SPATA6: variants seen among roughly 807,000 people sequenced by gnomAD.
The protein encoded by SPATA6 is spermatogenesis-associated protein 6.
In SPATA6, 56 loss-of-function variants were observed where a neutral mutation model predicts 65.3. That is an observed-to-expected ratio of 0.86 (90% confidence interval 0.69 to 1.07). The LOEUF (loss-of-function observed/expected upper bound fraction) is 1.07. SPATA6 is among the 50% of genes least tolerant of loss of function. SPATA6 has a pLI of 0.00. For missense variants in SPATA6, 590 were observed against 594.8 expected (o/e 0.99, Z 0.08); for synonymous variants, 199 against 213.2 (o/e 0.93, Z 0.58).
the SPATA6 span, among the ~76,000 whole-genome samples, chr1:48,265,324 A>G: frequency 6.6e-6 from 1 of 151,420 alleles, no homozygotes; most frequent in Non-Finnish European, 1.5e-5. Flanking sequence ...CAGCTTCATT[A>G]TAAGCAAATA....
intron 12 of SPATA6, among the ~76,000 whole-genome samples, chr1:48,301,546 C>CACA (rs1553140235): frequency 1.4e-5 from 2 of 147,446 alleles, no homozygotes; most frequent in Non-Finnish European, 3.0e-5. Flanking sequence ...CACACACACA[C>CACA]AAAAAAAAAA....
chr1:48,328,493 A>C (rs1242082136), intron 11 of SPATA6, among the ~76,000 whole-genome samples: 2 of 152,162 alleles, frequency 1.3e-5, no homozygotes, highest in African/African-American at 4.8e-5. Flanking sequence ...TATTAAGTAT[A>C]AGAGGCCAGT....
At chr1:48,313,275 T>C (rs904281477) in intron 11 of SPATA6, among the ~76,000 whole-genome samples, 2 of 151,976 alleles carry the variant, frequency 1.3e-5, no homozygotes, top group Admixed American at 6.5e-5. Context: ...AAGGCAAAAA[T>C]GTTAAGGGCA....
At chr1:48,406,260 A>G (rs188934126) in intron 5 of SPATA6, among the ~76,000 whole-genome samples, 4 of 152,268 alleles carry the variant, frequency 2.6e-5, no homozygotes, top group African/African-American at 9.6e-5. Context: ...TCCCTTGTTC[A>G]TCAGTAAACC....
At position 48,367,274 on chromosome 1, in the gene SPATA6, T is replaced by G. The variant is rs189464144; in HGVS notation, c.910-7504A>C. ...GTGCTTAAAAGAATGTATATTCTGT[T>G]GATTTGGGGTGGAGAGTTCTGTAGA... On this transcript the variant is annotated intron_variant, in intron 9 of 12. Transcript: ENST00000371847. Among the ~76,000 whole-genome samples, 3 of 152,330 alleles carry G rather than the reference T, an allele frequency of 2.0e-5. No individual in the cohort carries two copies. In the East Asian group the frequency reaches 5.8e-4, roughly 29 times the overall value.
At chr1:48,410,405 C>T (rs113737035) in intron 5 of SPATA6, among the ~76,000 whole-genome samples, 3,754 of 152,306 alleles carry the variant, frequency 0.025, 101 homozygotes, top group African/African-American at 0.067. Flanking sequence ...TCCAAACTTT[C>T]CCACATCTTC....
At position 48,353,956 on chromosome 1, in the gene SPATA6, G is replaced by C. The variant is rs1024105843; in HGVS notation, c.1194+1714C>G. 2.6e-5 allele frequency among the ~76,000 whole-genome samples: 4 copies of C among 151,920 alleles called. No individual in the cohort carries two copies. In the South Asian group the frequency reaches 6.2e-4, roughly 24 times the overall value. Reference sequence around the variant, plus strand: ...ATTAAGAGTGAAAAGATAAGGCACAGAGTGGAAAAAAAATTGCAAAACATA... The same window carrying C: ...ATTAAGAGTGAAAAGATAAGGCACACAGTGGAAAAAAAATTGCAAAACATA... On this transcript the variant is annotated intron_variant, in intron 11 of 12. Coordinates refer to ENST00000371847, the MANE Select transcript of SPATA6 (RefSeq NM_019073.4).
chr1:48,277,402 G>C, the SPATA6 span, among the ~76,000 whole-genome samples: 1 of 152,198 alleles, frequency 6.6e-6, no homozygotes, highest in African/African-American at 2.4e-5. Flanking sequence ...AAGCGCAAGG[G>C]GTCAGGGAGT....
chr1:48,429,372 A>G lies in SPATA6; in HGVS notation c.239-16221T>C, dbSNP rs77719164. Among the ~76,000 whole-genome samples, 805 of 152,276 alleles carry G rather than the reference A, an allele frequency of 5.3e-3. 21 individuals carry two copies. The highest frequency in any genetic ancestry group is 0.05 in the South Asian group (242 of 4,830). ...ATACAGAGAAAATTATAAAGTGACC[A>G]TACATGCTCAGGGGAAGGCTCCGAA... On this transcript the variant is annotated intron_variant, in intron 3 of 12. Transcript: ENST00000371847.
intron 9 of SPATA6, among the ~76,000 whole-genome samples, chr1:48,366,666 T>G (rs1647026070): frequency 6.6e-6 from 1 of 152,184 alleles, no homozygotes; most frequent in Non-Finnish European, 1.5e-5. Flanking sequence ...TTTTATTGCA[T>G]CTATCTGATT....
At chr1:48,337,556 AAGTGGG>A (rs1337048000) in intron 11 of SPATA6, among the ~76,000 whole-genome samples, 4 of 151,836 alleles carry the variant, frequency 2.6e-5, no homozygotes, top group African/African-American at 9.7e-5. Flanking sequence ...ATAAAGATTA[AAGTGGG>A]AGATTTAAAA....
At position 48,414,325 on chromosome 1, in the gene SPATA6, G is replaced by A. The variant is rs115970204; in HGVS notation, c.239-1174C>T. On this transcript the variant is annotated intron_variant, in intron 3 of 12. Transcript: ENST00000371847. ...AGAAACCATTTTGAAGTACGTCAGAGCATTCCATTCTTAACAAAACCTGAC... is the reference window on the plus strand; with the variant it reads ...AGAAACCATTTTGAAGTACGTCAGAACATTCCATTCTTAACAAAACCTGAC... Among the ~76,000 whole-genome samples the A allele has an allele frequency of 1.6e-3, 238 of 152,260 alleles. 2 individuals carry two copies. Among genetic ancestry groups the A allele is most frequent in the African/African-American group, 5.6e-3 (233 of 41,540 alleles).
chr1:48,387,120 G>A (rs1481346477), intron 8 of SPATA6, among the ~76,000 whole-genome samples: 1 of 152,184 alleles, frequency 6.6e-6, no homozygotes, highest in Non-Finnish European at 1.5e-5. Flanking sequence ...CAGGCAAAGA[G>A]AGAGAACTTG....
rs1444915402 is a variant in SPATA6 at position 48,409,818 on chromosome 1, C to T, written c.405+1646G>A. 2.0e-5 allele frequency among the ~76,000 whole-genome samples: 3 copies of T among 152,330 alleles called. No homozygotes were observed. In the East Asian group the frequency reaches 5.8e-4, roughly 29 times the overall value. ...AGCCATGGCTGGAGTGGCTGAGACACAGCACCAAGTCCCTAGGCTGCACAC... is the reference window on the plus strand; with the variant it reads ...AGCCATGGCTGGAGTGGCTGAGACATAGCACCAAGTCCCTAGGCTGCACAC... On this transcript the variant is annotated intron_variant, in intron 5 of 12. Coordinates refer to ENST00000371847, the MANE Select transcript of SPATA6 (RefSeq NM_019073.4).
chr1:48,380,898 T>C (rs1648491903), intron 9 of SPATA6, among the ~76,000 whole-genome samples: 1 of 152,178 alleles, frequency 6.6e-6, no homozygotes, highest in African/African-American at 2.4e-5. Context: ...CCCAACCTTT[T>C]CAGTACCAGG....
At position 48,362,956 on chromosome 1, in the gene SPATA6, C is replaced by T. The variant is rs372288741; in HGVS notation, c.910-3186G>A. 1.6e-4 allele frequency among the ~76,000 whole-genome samples: 24 copies of T among 151,994 alleles called. 1 individual carries two copies. The highest frequency in any genetic ancestry group is 1.5e-3 in the East Asian group (8 of 5,174). ...TAAGCACCTTCTGCATATAAAGTAC[C>T]AAACAAAGTAGGAAACAACAATCAC... On this transcript the variant is annotated intron_variant, in intron 9 of 12. Transcript: ENST00000371847.
the SPATA6 span, among the ~76,000 whole-genome samples, chr1:48,286,497 T>A: frequency 6.6e-6 from 1 of 152,184 alleles, no homozygotes; most frequent in African/African-American, 2.4e-5. Context: ...ACTGATTTTT[T>A]ATGTGCTAAT....
chr1:48,371,191 TA>T (rs968751085), intron 9 of SPATA6, among the ~76,000 whole-genome samples: 1 of 151,836 alleles, frequency 6.6e-6, no homozygotes, highest in Admixed American at 6.6e-5. Context: ...CAATTCACCA[TA>T]AAAAAAATTA....
At chr1:48,462,757 AC>A (rs1657542841) in intron 1 of SPATA6, among the ~76,000 whole-genome samples, 2 of 152,218 alleles carry the variant, frequency 1.3e-5, no homozygotes, top group African/African-American at 4.8e-5. Context: ...GACCTTGTTC[AC>A]TAGCTATGAT....
Sources: allele counts gnomAD v4.1 joint callset (sites outside exome capture counted in the v4.1 genomes callset), GRCh38; gene constraint gnomAD v4.1.1; transcripts MANE v1.5; gene names NCBI Gene and HGNC (gene_info 2026-07-23, HGNC 2026-07-21).